Variants in CD63 observed in about 807,000 individuals in gnomAD.
The protein encoded by CD63 is CD63 molecule.
In CD63, 16 loss-of-function variants were observed where a neutral mutation model predicts 29.2. That is an observed-to-expected ratio of 0.55 (90% CI 0.37 to 0.83). CD63 has a LOEUF of 0.83. Ranked by LOEUF, CD63 falls within the 40% of genes least tolerant of loss-of-function variation. The probability of loss-of-function intolerance (pLI) is 0.00; values close to 1 mark genes in which losing one functional copy is unlikely to be tolerated. For synonymous variants in CD63, 118 were observed against 111.7 expected (o/e 1.06, Z -0.36); for missense variants, 251 against 297.3 (o/e 0.84, Z 1.15).
downstream of CD63, chr12:55,725,233 A>G: frequency 2.6e-6 from 1 of 383,322 alleles, no homozygotes; most frequent in South Asian, 2.6e-5. Context: ...AGATGGCTTC[A>G]TGAATGTTCA....
chr12:55,725,779 A>T, intron 7 of CD63, 34 bp downstream of exon 7: 1 of 1,600,586 alleles, frequency 6.2e-7, no homozygotes, highest in Non-Finnish European at 8.6e-7. Flanking sequence ...CACCCTGGAC[A>T]GAGTCCCAGC....
At position 55,726,875 on chromosome 12, in the gene CD63, T is replaced by C; in HGVS notation, c.330+15A>G. 6.2e-7 allele frequency: 1 copy of C among 1,612,664 alleles called. No homozygotes were observed. Among genetic ancestry groups the C allele is most frequent in the South Asian group, 1.1e-5 (1 of 91,030 alleles). On this transcript the variant is annotated intron_variant, in intron 4 of 7. Transcript: ENST00000257857. ...ACCCGGCTGAGGCAGGCCCTTCCCATTATTCCCTGCTTACCTTATCTCTAA... is the reference window on the plus strand; with the variant it reads ...ACCCGGCTGAGGCAGGCCCTTCCCACTATTCCCTGCTTACCTTATCTCTAA...
intron 2 of CD63, 81 bp from the exon 3 acceptor site, chr12:55,727,420 G>C (rs973541479): frequency 2.2e-6 from 3 of 1,374,688 alleles, no homozygotes; most frequent in Middle Eastern, 1.8e-4. Context: ...GTACACCTAG[G>C]ACACAGACTT....
rs775756823 is a variant in CD63, at chr12:55,726,750, A to G, written c.376T>C (p.Tyr126His). The G allele has an allele frequency of 2.5e-6, 4 of 1,614,090 alleles. No homozygotes were observed. The South Asian group carries it at 4.4e-5, about 18-fold the overall frequency. ...GAAGCAGTGTGGTTGTTTTTCGGGT[A>G]ATTCTCCATCTGCTGCCGGAAGTTG... ...NNNFRQQMEN[Y>H]PKNNHTASIL... is the part of the protein sequence containing the mutation. Residue 126 changes from tyrosine (Y) to histidine (H), a missense_variant, in exon 5 of 8, where the codon TAC becomes CAC. Coordinates refer to ENST00000257857, the MANE Select transcript of CD63 (RefSeq NM_001780.6).
At chr12:55,724,364 C>A (rs748586229), downstream of CD63, 15 of 1,614,198 alleles carry the variant, frequency 9.3e-6, no homozygotes, top group Non-Finnish European at 1.1e-5. Context: ...ATCTGTGACC[C>A]GGACCTAACC....
Position 55,728,643 on chromosome 12 carries a change from T to C in CD63, c.-11-291A>G, listed in dbSNP as rs1371026381. On this transcript the variant is annotated intron_variant, in intron 1 of 7. Coordinates refer to ENST00000257857, the MANE Select transcript of CD63 (RefSeq NM_001780.6). This position sits in a 1 kb window ranked among gnomAD's most constrained non-coding sequence, Gnocchi z 4.8. Reference sequence around the variant, plus strand: ...GACGCCGACCCTCGGCCCGCCAGTCTCCGGGCGTCAAACACCCTTTCCCCA... The same window carrying C: ...GACGCCGACCCTCGGCCCGCCAGTCCCCGGGCGTCAAACACCCTTTCCCCA... 45 of 1,283,380 alleles carry C rather than the reference T, an allele frequency of 3.5e-5. No individual in the cohort carries two copies. Among genetic ancestry groups the C allele is most frequent in the Non-Finnish European group, 4.1e-5 (41 of 1,010,872 alleles). The allele number at this position is 1,283,380 out of a possible 1,614,324, so 79.5% of individuals were successfully genotyped here. A position where few individuals can be genotyped will look rare whatever the true frequency, so the allele number is the denominator to read the frequency against.
Position 55,728,854 on chromosome 12 carries a change from G to C in CD63, c.-12+99C>G. 1.0e-6 allele frequency: 1 copy of C among 989,808 alleles called. No homozygotes were observed. The highest frequency in any genetic ancestry group is 1.2e-6 in the Non-Finnish European group (1 of 832,548). 61.3% of individuals were successfully genotyped at this position (989,808 alleles called of 1,614,324 possible). ...TGCTCCAGGGCGGCTGGAGAGCGCC[G>C]GACGAGTCTCCGCGGGCCTGGGGCG... On this transcript the variant is annotated intron_variant, in intron 1 of 7. Coordinates refer to ENST00000257857, the MANE Select transcript of CD63 (RefSeq NM_001780.6). The surrounding 1 kb of genome is among the most constrained non-coding windows in gnomAD (Gnocchi z 4.8).
chr12:55,727,980 C>T (rs1211412919), intron 2 of CD63: 3 of 1,205,244 alleles, frequency 2.5e-6, no homozygotes, highest in Non-Finnish European at 2.1e-6. Flanking sequence ...TAGCATCAGG[C>T]GGTTGGCTGG....
chr12:55,728,716 C>T lies in CD63; in HGVS notation c.-12+237G>A. Reference sequence around the variant, plus strand: ...CGGTCTTCAGCCCAACCCCGACCCCCGCCCCAGCCCCTTTCCCCTGGGCTC... The same window carrying T: ...CGGTCTTCAGCCCAACCCCGACCCCTGCCCCAGCCCCTTTCCCCTGGGCTC... On this transcript the variant is annotated intron_variant, in intron 1 of 7. Coordinates refer to ENST00000257857, the MANE Select transcript of CD63 (RefSeq NM_001780.6). This position sits in a 1 kb window ranked among gnomAD's most constrained non-coding sequence, Gnocchi z 4.8. The T allele has an allele frequency of 1.9e-6, 2 of 1,051,660 alleles. No homozygotes were observed. The highest frequency in any genetic ancestry group is 3.3e-5 in the South Asian group (1 of 30,354). The allele number at this position is 1,051,660 out of a possible 1,614,324, so 65.1% of individuals were successfully genotyped here. A position where few individuals can be genotyped will look rare whatever the true frequency, so the allele number is the denominator to read the frequency against.
In CD63 at chr12:55,725,560, C is replaced by A. The variant is rs927545532; in HGVS notation, c.*1G>T. 1.9e-6 allele frequency: 3 copies of A among 1,612,746 alleles called. No individual in the cohort carries two copies. The highest frequency in any genetic ancestry group is 2.7e-5 in the African/African-American group (2 of 74,870). ...ATGAGGAGGCTGAGGAGACCAGACC[C>A]CTACATCACCTCGTAGCCACTTCTG... On this transcript the variant is annotated 3_prime_UTR_variant, in exon 8 of 8. Coordinates refer to ENST00000257857, the MANE Select transcript of CD63 (RefSeq NM_001780.6).
Position 55,725,334 on chromosome 12 carries a change from C to T in CD63, c.*227G>A, listed in dbSNP as rs541180342. 4.2e-5 allele frequency: 24 copies of T among 573,768 alleles called. No homozygotes were observed. The highest frequency in any genetic ancestry group is 9.1e-5 in the Admixed American group (3 of 32,846). The allele number at this position is 573,768 out of a possible 1,614,324, so 35.5% of individuals were successfully genotyped here. A position where few individuals can be genotyped will look rare whatever the true frequency, so the allele number is the denominator to read the frequency against. The stretch of plus-strand genomic sequence containing the variant: ...CCACTGCCTGCCCAACCAACACCTT[C>T]GCAAAGTCCTCCTTTCCCAAACACC... On this transcript the variant is annotated 3_prime_UTR_variant, in exon 8 of 8. Coordinates refer to ENST00000257857, the MANE Select transcript of CD63 (RefSeq NM_001780.6).
intron 2 of CD63, chr12:55,727,684 C>T: frequency 1.8e-6 from 2 of 1,083,508 alleles, no homozygotes; most frequent in Non-Finnish European, 1.1e-6. Context: ...CCTCACTATC[C>T]TCCAGTGCAC....
rs568845414 is a variant in CD63, at chr12:55,728,994, G to C, written c.-53C>G. 3.9e-5 allele frequency: 38 copies of C among 985,446 alleles called. No individual in the cohort carries two copies. Among genetic ancestry groups the C allele is most frequent in the Non-Finnish European group, 4.6e-5 (38 of 830,044 alleles). 61.0% of individuals were successfully genotyped at this position (985,446 alleles called of 1,614,324 possible). A position where few individuals can be genotyped will look rare whatever the true frequency, so the allele number is the denominator to read the frequency against. On this transcript the variant is annotated 5_prime_UTR_variant, in exon 1 of 8. Coordinates refer to ENST00000257857, the MANE Select transcript of CD63 (RefSeq NM_001780.6). The surrounding 1 kb of genome is among the most constrained non-coding windows in gnomAD (Gnocchi z 4.8). ...TGGCTGCGCGTTCCTCTCCCGCCGC[G>C]GCTCCGGGGCTCTCTAGCTGCGCCC... is the stretch of plus-strand genomic sequence containing the variant.
chr12:55,726,746 G>A lies in CD63; in HGVS notation c.380C>T (p.Pro127Leu), dbSNP rs781725798. 2.7e-5 allele frequency: 43 copies of A among 1,613,918 alleles called. No homozygotes were observed. The highest frequency in any genetic ancestry group is 3.2e-5 in the Non-Finnish European group (38 of 1,179,982). ...NNFRQQMENY[P>L]KNNHTASILD... ...GATCGAAGCAGTGTGGTTGTTTTTC[G>A]GGTAATTCTCCATCTGCTGCCGGAA... Residue 127 changes from proline (P) to leucine (L), a missense_variant, in exon 5 of 8, where the codon CCG (proline) becomes CTG (leucine). Coordinates refer to ENST00000257857, the MANE Select transcript of CD63 (RefSeq NM_001780.6).
In CD63 at chr12:55,728,212, C is replaced by G. The variant is rs750789635; in HGVS notation, c.66+64G>C. 3.6e-6 allele frequency: 5 copies of G among 1,405,528 alleles called. No individual in the cohort carries two copies. In the African/African-American group the frequency reaches 7.0e-5, roughly 20 times the overall value. 87.1% of individuals were successfully genotyped at this position (1,405,528 alleles called of 1,614,324 possible). A position where few individuals can be genotyped will look rare whatever the true frequency, so the allele number is the denominator to read the frequency against. ...TTAATTCTCATTCCCTCAGCCCTCA[C>G]CACTGTGGAGCCAGGTCTCCCCGCA... On this transcript the variant is annotated intron_variant, in intron 2 of 7. Transcript: ENST00000257857. The surrounding 1 kb of genome is among the most constrained non-coding windows in gnomAD (Gnocchi z 4.8).
rs1877686349 is a variant in CD63, at chr12:55,728,627, C to T, written c.-11-275G>A. The T allele has an allele frequency of 7.6e-7, 1 of 1,307,696 alleles. No homozygotes were observed. The highest frequency in any genetic ancestry group is 9.8e-7 in the Non-Finnish European group (1 of 1,025,480). The allele number at this position is 1,307,696 out of a possible 1,614,324, so 81.0% of individuals were successfully genotyped here. On this transcript the variant is annotated intron_variant, in intron 1 of 7. Transcript: ENST00000257857. The surrounding 1 kb of genome is among the most constrained non-coding windows in gnomAD (Gnocchi z 4.8). ...GCAGGGGCTTGAGCCTGACGCCGACCCTCGGCCCGCCAGTCTCCGGGCGTC... is the reference window on the plus strand; with the variant it reads ...GCAGGGGCTTGAGCCTGACGCCGACTCTCGGCCCGCCAGTCTCCGGGCGTC...
In CD63 at chr12:55,728,178, C is replaced by T. The variant is rs1877622411; in HGVS notation, c.66+98G>A. ...CTGGCTTTCTTTCCACATCTGGTCTCCAGCTGCCTTAATTCTCATTCCCTC... is the reference window on the plus strand; with the variant it reads ...CTGGCTTTCTTTCCACATCTGGTCTTCAGCTGCCTTAATTCTCATTCCCTC... On this transcript the variant is annotated intron_variant, in intron 2 of 7. Coordinates refer to ENST00000257857, the MANE Select transcript of CD63 (RefSeq NM_001780.6). This position sits in a 1 kb window ranked among gnomAD's most constrained non-coding sequence, Gnocchi z 4.8. The T allele has an allele frequency of 8.9e-7, 1 of 1,128,012 alleles. No individual in the cohort carries two copies. Among genetic ancestry groups the T allele is most frequent in the East Asian group, 2.6e-5 (1 of 39,006 alleles). The allele number at this position is 1,128,012 out of a possible 1,614,324, so 69.9% of individuals were successfully genotyped here.
chr12:55,728,042 C>T lies in CD63; in HGVS notation c.66+234G>A. Reference sequence around the variant, plus strand: ...GGTTGGGTCACCAGACAGGAAGGGCCAGGAGGGATGGGGGTAGGGGTTGCT... The same window carrying T: ...GGTTGGGTCACCAGACAGGAAGGGCTAGGAGGGATGGGGGTAGGGGTTGCT... On this transcript the variant is annotated intron_variant, in intron 2 of 7. Transcript: ENST00000257857. The surrounding 1 kb of genome is among the most constrained non-coding windows in gnomAD (Gnocchi z 4.8). 1 of 835,876 alleles carries T rather than the reference C, an allele frequency of 1.2e-6. No homozygotes were observed. Among genetic ancestry groups the T allele is most frequent in the Non-Finnish European group, 1.8e-6 (1 of 556,602 alleles). The allele number at this position is 835,876 out of a possible 1,614,324, so 51.8% of individuals were successfully genotyped here.
Position 55,725,480 on chromosome 12 carries a change from GA to G in CD63, c.*80del. 1.7e-6 allele frequency: 2 copies of G among 1,168,982 alleles called. No individual in the cohort carries two copies. Among genetic ancestry groups the G allele is most frequent in the Non-Finnish European group, 2.6e-6 (2 of 777,406 alleles). The allele number at this position is 1,168,982 out of a possible 1,614,324, so 72.4% of individuals were successfully genotyped here. A position where few individuals can be genotyped will look rare whatever the true frequency, so the allele number is the denominator to read the frequency against. ...AACTCAGACCATCTCTTTTCGGTCT[GA>G]AAAAATAATCCGTTTAATTGAAAAA... On this transcript the variant is annotated 3_prime_UTR_variant, in exon 8 of 8. Coordinates refer to ENST00000257857, the MANE Select transcript of CD63 (RefSeq NM_001780.6).
Sources: gnomAD v4.1 joint callset for allele counts on GRCh38, gnomAD v4.1.1 for gene constraint, Gnocchi (gnomAD v3.1) non-coding constraint, MANE v1.5 for transcripts, NCBI Gene and HGNC (gene_info 2026-07-23, HGNC 2026-07-21) for gene names.